The following GRIP2 variants were observed in gnomAD, a reference collection of about 807,000 sequenced individuals.
The protein encoded by GRIP2 is glutamate receptor-interacting protein 2.
In GRIP2, 58 loss-of-function variants were observed where a neutral mutation model predicts 108.3. The observed-to-expected ratio is 0.54, with a 90% CI of 0.43 to 0.67. The LOEUF is 0.67. Among genes scored for constraint, GRIP2 ranks in the 30% least tolerant of loss-of-function variants. The pLI, the probability that GRIP2 is intolerant of heterozygous loss-of-function variation, is 0.00. For missense variants in GRIP2, 1,278 were observed against 1,430.6 expected (o/e 0.89, Z 1.72); for synonymous variants, 586 against 598.2 (o/e 0.98, Z 0.30).
At chr3:14,529,297 AAAAAAG>A (rs1694648525) in intron 1 of GRIP2, among the ~76,000 whole-genome samples, 1 of 130,994 alleles carries the variant, frequency 7.6e-6, no homozygotes, top group African/African-American at 2.6e-5. Flanking sequence ...AAAAAAAAAA[AAAAAAG>A]GAAAAACACT....
upstream of GRIP2, among the ~76,000 whole-genome samples, chr3:14,544,588 GT>G (rs1437247428): frequency 6.6e-6 from 1 of 152,198 alleles, no homozygotes; most frequent in Non-Finnish European, 1.5e-5. Context: ...CGGAAATGAA[GT>G]CTGGGTGAGA....
intron 20 of GRIP2, 89 bp from the exon 21 acceptor site, chr3:14,503,760 C>T (rs931092277): frequency 2.1e-5 from 2 of 96,300 alleles, no homozygotes; most frequent in Non-Finnish European, 3.6e-5. Context: ...CAGGGCCCAG[C>T]GTTGGGCTCG....
the GRIP2 span, among the ~76,000 whole-genome samples, chr3:14,572,383 T>C: frequency 0.17 from 25,194 of 150,582 alleles, 2,331 homozygotes; most frequent in African/African-American, 0.23. Flanking sequence ...GGAGGCCGAA[T>C]GGGCGGATCA....
In GRIP2 at chr3:14,503,661, C is replaced by T; in HGVS notation, c.2584G>A (p.Gly862Ser). ...DWEPPTSPAPGPAREEGFWRM... is the reference protein window; with the variant it reads ...DWEPPTSPAPSPAREEGFWRM... ...CAGAAGCCCTCCTCTCGGGCAGGGC[C>T]AGGGGCTGGGCTGTAACGTAGGAAC... The change falls in exon 21 of 24, where the codon GGC (glycine) becomes AGC (serine). Residue 862 changes from glycine (G) to serine (S), a missense_variant. By Grantham distance (56) the Gly-to-Ser change is moderately conservative. Transcript: ENST00000621039. 7.0e-7 allele frequency: 1 copy of T among 1,421,538 alleles called. No homozygotes were observed. Among genetic ancestry groups the T allele is most frequent in the Non-Finnish European group, 9.4e-7 (1 of 1,063,668 alleles). The allele number at this position is 1,421,538 out of a possible 1,614,324, so 88.1% of individuals were successfully genotyped here. A position where few individuals can be genotyped will look rare whatever the true frequency, so the allele number is the denominator to read the frequency against.
At chr3:14,499,373 ACAAGTCGGCGAATC>A (rs6147717) in intron 21 of GRIP2, among the ~76,000 whole-genome samples, 53,698 of 151,672 alleles carry the variant, frequency 0.35, 10,385 homozygotes, top group East Asian at 0.58. Context: ...CACAGACAAA[ACAAGTCGGCGAATC>A]CATACTCAGG....
chr3:14,511,405 G>A lies in GRIP2; in HGVS notation c.1787+8C>T. ...GCCACTTCCCTTCCTGTGCCCCAGTGCCCCTACCTGTGTGCCACGCTGCCT... is the reference window on the plus strand; with the variant it reads ...GCCACTTCCCTTCCTGTGCCCCAGTACCCCTACCTGTGTGCCACGCTGCCT... On this transcript the variant is annotated splice_region_variant and intron_variant, in intron 15 of 23. Coordinates refer to ENST00000621039, the MANE Select transcript of GRIP2 (RefSeq NM_001080423.4). This position sits in a 1 kb window ranked among gnomAD's most constrained non-coding sequence, Gnocchi z 4.1. 1 of 1,613,974 alleles carries A rather than the reference G, an allele frequency of 6.2e-7. No individual in the cohort carries two copies. The highest frequency in any genetic ancestry group is 8.5e-7 in the Non-Finnish European group (1 of 1,179,878).
chr3:14,522,952 G>A lies in GRIP2; in HGVS notation c.566+48C>T. ...CCCACTCCACCTTCTTCGCAGGGGA[G>A]TTGGGGCAGGTCAGTGCAGTGTGTG... is the stretch of plus-strand genomic sequence containing the variant. On this transcript the variant is annotated intron_variant, in intron 6 of 23. Transcript: ENST00000621039. This position sits in a 1 kb window ranked among gnomAD's most constrained non-coding sequence, Gnocchi z 4.3. 2 of 1,519,496 alleles carry A rather than the reference G, an allele frequency of 1.3e-6. No individual in the cohort carries two copies. The highest frequency in any genetic ancestry group is 1.4e-5 in the African/African-American group (1 of 73,224). 94.1% of individuals were successfully genotyped at this position (1,519,496 alleles called of 1,614,324 possible).
At chr3:14,533,837 C>T (rs780200455) in intron 1 of GRIP2, among the ~76,000 whole-genome samples, 16 of 152,144 alleles carry the variant, frequency 1.1e-4, no homozygotes, top group Non-Finnish European at 2.2e-4. Flanking sequence ...AATTTTTGGC[C>T]GGTTTGGGGT....
chr3:14,547,734 T>C (rs1292171940), intron 1 of GRIP2, among the ~76,000 whole-genome samples: 1 of 152,128 alleles, frequency 6.6e-6, no homozygotes, highest in African/African-American at 2.4e-5. Context: ...ACCAGCCCTC[T>C]CTCTGCCTTC....
At chr3:14,519,317 A>C (rs991978346) in intron 9 of GRIP2, among the ~76,000 whole-genome samples, 2 of 152,144 alleles carry the variant, frequency 1.3e-5, no homozygotes, top group African/African-American at 4.8e-5. Context: ...GGTGGGGTGG[A>C]CAGACTCCTT....
the GRIP2 span, among the ~76,000 whole-genome samples, chr3:14,561,553 G>A: frequency 6.6e-6 from 1 of 152,196 alleles, no homozygotes; most frequent in Non-Finnish European, 1.5e-5. Flanking sequence ...CCAGGAGATA[G>A]GTTAAAGAAG....
chr3:14,509,590 G>A (rs998904078), intron 17 of GRIP2, among the ~76,000 whole-genome samples: 1 of 152,270 alleles, frequency 6.6e-6, no homozygotes, highest in Non-Finnish European at 1.5e-5. Flanking sequence ...TGCTTACCTG[G>A]AGCCAGGAGG....
In GRIP2 at chr3:14,505,755, C is replaced by G. The variant is rs371768125; in HGVS notation, c.2433G>C (p.Thr811=). The G allele has an allele frequency of 2.1e-5, 33 of 1,574,186 alleles. 1 individual carries two copies. The South Asian group carries it at 2.9e-4, about 14-fold the overall frequency. Residue 811 remains threonine, a synonymous_variant, in exon 20 of 24, where the codon ACG becomes ACC. Transcript: ENST00000621039. This position sits in a 1 kb window ranked among gnomAD's most constrained non-coding sequence, Gnocchi z 4.2. The part of the protein sequence containing the change: ...SYTPQAAARG[T]TPQERRPGWL... Reference sequence around the variant, plus strand: ...AGCCAGGCCTCCGCTCCTGGGGGGTCGTGCCCCGGGCTGCTGCCTGTGGTG... The same window carrying G: ...AGCCAGGCCTCCGCTCCTGGGGGGTGGTGCCCCGGGCTGCTGCCTGTGGTG...
chr3:14,564,027 G>A, the GRIP2 span, among the ~76,000 whole-genome samples: 1 of 151,468 alleles, frequency 6.6e-6, no homozygotes, highest in African/African-American at 2.5e-5. Flanking sequence ...AGGAAGCAGA[G>A]GAAGCAGCCC....
chr3:14,598,232 G>A, the GRIP2 span, among the ~76,000 whole-genome samples: 1 of 151,870 alleles, frequency 6.6e-6, no homozygotes, highest in East Asian at 1.9e-4. Flanking sequence ...TTGCGGTTCT[G>A]ACAGGGAAAT....
chr3:14,570,374 G>C, the GRIP2 span, among the ~76,000 whole-genome samples: 1 of 152,194 alleles, frequency 6.6e-6, no homozygotes. Flanking sequence ...CAGAGCCAGG[G>C]GGCCAGGAGG....
the GRIP2 span, among the ~76,000 whole-genome samples, chr3:14,593,779 G>T: frequency 3.9e-5 from 6 of 152,194 alleles, no homozygotes; most frequent in Non-Finnish European, 8.8e-5. Flanking sequence ...CAGAGACATA[G>T]CATCTCTGGT....
the GRIP2 span, among the ~76,000 whole-genome samples, chr3:14,599,616 G>A: frequency 1.3e-5 from 2 of 151,340 alleles, no homozygotes; most frequent in Admixed American, 6.6e-5. Flanking sequence ...AGCATTTGCT[G>A]CAATAAAAGA....
rs1693622957 is a variant in GRIP2, at chr3:14,496,888, ATGAGGAAAC to A, written c.2680-337_2680-329del. ...AATACCACTTTTTTCCACTTTACAG[ATGAGGAAAC>A]TGTTTGTCTCCTTAGAGATATAAAA... On this transcript the variant is annotated intron_variant, in intron 21 of 23. Coordinates refer to ENST00000621039, the MANE Select transcript of GRIP2 (RefSeq NM_001080423.4). Among the ~76,000 whole-genome samples the A allele has an allele frequency of 2.0e-5, 3 of 152,112 alleles. No homozygotes were observed. The South Asian group carries it at 6.2e-4, about 31-fold the overall frequency.
Sources: allele counts gnomAD v4.1 joint callset (sites outside exome capture counted in the v4.1 genomes callset), GRCh38; gene constraint gnomAD v4.1.1; non-coding constraint Gnocchi (gnomAD v3.1); transcripts MANE v1.5; gene names NCBI Gene and HGNC (gene_info 2026-07-23, HGNC 2026-07-21).